Variants in LHFPL6 observed in about 807,000 individuals in gnomAD.
The protein encoded by LHFPL6 is LHFPL tetraspan subfamily member 6 protein.
A neutral mutation model predicts 20.6 loss-of-function variants in LHFPL6; 9 were observed. The ratio of observed to expected loss-of-function variants is 0.44; its 90% confidence interval spans 0.26 to 0.76. LHFPL6 has a LOEUF of 0.76. LHFPL6 is among the 30% of genes least tolerant of loss of function. LHFPL6 has a pLI of 0.20. For synonymous variants in LHFPL6, 105 were observed against 98.7 expected, an observed-to-expected ratio of 1.06 and a Z score of -0.38; for missense variants, 218 against 253.5, an observed-to-expected ratio of 0.86 and a Z score of 0.95.
chr13:39,492,313 T>C (rs1032643470), intron 2 of LHFPL6, among the ~76,000 whole-genome samples: 4 of 152,218 alleles, frequency 2.6e-5, no homozygotes, highest in Non-Finnish European at 5.9e-5. Flanking sequence ...GCTGAATGAT[T>C]AGCATTCACT....
intron 2 of LHFPL6, among the ~76,000 whole-genome samples, chr13:39,402,356 C>G (rs1038682850): frequency 6.6e-6 from 1 of 152,234 alleles, no homozygotes; most frequent in East Asian, 1.9e-4. Context: ...TACTGAGTGG[C>G]TGGGACTATA....
chr13:39,558,631 G>A (rs956956083), intron 2 of LHFPL6, among the ~76,000 whole-genome samples: 10 of 152,118 alleles, frequency 6.6e-5, no homozygotes, highest in Admixed American at 6.5e-4. Context: ...ATTCATTAAA[G>A]CAGTTCTGAC....
intron 2 of LHFPL6, among the ~76,000 whole-genome samples, chr13:39,379,319 T>C (rs1870377103): frequency 1.3e-5 from 2 of 152,188 alleles, no homozygotes; most frequent in African/African-American, 2.4e-5. Context: ...GCACTCACTA[T>C]TTGAATTTGT....
At chr13:39,366,464 GAAT>G (rs1870016529) in intron 3 of LHFPL6, among the ~76,000 whole-genome samples, 1 of 152,120 alleles carries the variant, frequency 6.6e-6, no homozygotes, top group Non-Finnish European at 1.5e-5. Flanking sequence ...ATCCAGTCCG[GAAT>G]ATGCACTCGA....
intron 2 of LHFPL6, among the ~76,000 whole-genome samples, chr13:39,479,650 G>C (rs1203543937): frequency 6.6e-6 from 1 of 152,128 alleles, no homozygotes; most frequent in Non-Finnish European, 1.5e-5. Context: ...AGTCTTTGTG[G>C]GTTGCCAGAC....
At chr13:39,344,282 G>A (rs952007815) in intron 3 of LHFPL6, among the ~76,000 whole-genome samples, 1 of 152,010 alleles carries the variant, frequency 6.6e-6, no homozygotes, top group Admixed American at 6.5e-5. Flanking sequence ...CGGGCTAAGA[G>A]AAGTCTAGTC....
chr13:39,344,678 A>G (rs1869342034), intron 3 of LHFPL6, among the ~76,000 whole-genome samples: 1 of 152,230 alleles, frequency 6.6e-6, no homozygotes, highest in African/African-American at 2.4e-5. Context: ...TCAGAGTTGG[A>G]TTAGTCTTAA....
chr13:39,568,328 C>A (rs1410281252), intron 2 of LHFPL6, among the ~76,000 whole-genome samples: 2 of 151,680 alleles, frequency 1.3e-5, no homozygotes, highest in Admixed American at 6.6e-5. Context: ...AGGAAAAACA[C>A]CCTTTTGTGG....
At chr13:39,568,278 A>G (rs1011548869) in intron 2 of LHFPL6, among the ~76,000 whole-genome samples, 1 of 39,930 alleles carries the variant, frequency 2.5e-5, no homozygotes, top group Admixed American at 2.0e-4. Flanking sequence ...AAATATCCAG[A>G]AAAAAAAAAC....
At chr13:39,425,277 T>A (rs544261883) in intron 2 of LHFPL6, among the ~76,000 whole-genome samples, 21 of 152,362 alleles carry the variant, frequency 1.4e-4, no homozygotes, top group Non-Finnish European at 2.8e-4. Flanking sequence ...TAACAGTCCA[T>A]TGCATAGGTA....
intron 2 of LHFPL6, among the ~76,000 whole-genome samples, chr13:39,434,919 G>A (rs554893036): frequency 1.4e-3 from 213 of 151,668 alleles, no homozygotes; most frequent in Middle Eastern, 3.4e-3. Flanking sequence ...AGCCGGGCGC[G>A]GTGGCGGGCG....
chr13:39,399,915 G>T (rs968742400), intron 2 of LHFPL6, among the ~76,000 whole-genome samples: 1 of 152,094 alleles, frequency 6.6e-6, no homozygotes. Context: ...CCAATATGGA[G>T]AAACCCCGTC....
At chr13:39,431,187 C>T (rs1303167557) in intron 2 of LHFPL6, among the ~76,000 whole-genome samples, 2 of 152,194 alleles carry the variant, frequency 1.3e-5, no homozygotes, top group African/African-American at 4.8e-5. Context: ...CTGGACACAT[C>T]TGAACATCTG....
At chr13:39,455,571 A>G (rs1053741445) in intron 2 of LHFPL6, among the ~76,000 whole-genome samples, 1 of 152,240 alleles carries the variant, frequency 6.6e-6, no homozygotes. Flanking sequence ...AGAAATGCTT[A>G]GTGCAGCACC....
chr13:39,584,997 CCACA>C (rs1428034250), intron 2 of LHFPL6, among the ~76,000 whole-genome samples: 1 of 152,146 alleles, frequency 6.6e-6, no homozygotes, highest in Non-Finnish European at 1.5e-5. Flanking sequence ...CACTTTCTAG[CCACA>C]CACATGTTGA....
intron 2 of LHFPL6, among the ~76,000 whole-genome samples, chr13:39,540,685 T>C (rs142840744): frequency 6.6e-6 from 1 of 152,300 alleles, no homozygotes; most frequent in African/African-American, 2.4e-5. Flanking sequence ...TTCTGTAAAA[T>C]AGGCTTCCAT....
At chr13:39,587,627 A>C (rs1872489924) in intron 2 of LHFPL6, among the ~76,000 whole-genome samples, 1 of 152,144 alleles carries the variant, frequency 6.6e-6, no homozygotes. Flanking sequence ...CATCCAGGGA[A>C]GCCGAAACCA....
At chr13:39,514,813 A>G (rs1365240035) in intron 2 of LHFPL6, among the ~76,000 whole-genome samples, 1 of 152,252 alleles carries the variant, frequency 6.6e-6, no homozygotes, top group Non-Finnish European at 1.5e-5. Context: ...AACCAAGGAC[A>G]TGATTGACGT....
intron 2 of LHFPL6, among the ~76,000 whole-genome samples, chr13:39,394,461 G>C (rs140152779): frequency 1.3e-5 from 2 of 152,250 alleles, no homozygotes; most frequent in Non-Finnish European, 2.9e-5. Flanking sequence ...TAGTTGAAAG[G>C]CAGCCTCAAG....
Sources: allele counts gnomAD v4.1 joint callset (sites outside exome capture counted in the v4.1 genomes callset), GRCh38; gene constraint gnomAD v4.1.1; transcripts MANE v1.5; gene names NCBI Gene and HGNC (gene_info 2026-07-23, HGNC 2026-07-21).